Variants in SLC35F1 observed in about 807,000 individuals in gnomAD.
The protein encoded by SLC35F1 is solute carrier family 35 member F1.
In SLC35F1, 14 loss-of-function variants were observed where a neutral mutation model predicts 48.7. The observed-to-expected ratio is 0.29, with a 90% CI of 0.19 to 0.45. SLC35F1 has a LOEUF of 0.45. Ranked by LOEUF, SLC35F1 falls within the 20% of genes least tolerant of loss-of-function variation. SLC35F1 has a pLI of 1.00. For synonymous variants in SLC35F1, 190 were observed against 202.2 expected, an observed-to-expected ratio of 0.94 and a Z score of 0.51; for missense variants, 404 against 500.0, an observed-to-expected ratio of 0.81 and a Z score of 1.83.
chr6:118,260,342 T>C (rs929918893), intron 3 of SLC35F1, among the ~76,000 whole-genome samples: 4 of 152,116 alleles, frequency 2.6e-5, no homozygotes, highest in Non-Finnish European at 5.9e-5. Flanking sequence ...AAACCACTAA[T>C]TGCATACTTT....
chr6:118,232,809 C>G (rs1775311070), intron 2 of SLC35F1, among the ~76,000 whole-genome samples: 1 of 152,074 alleles, frequency 6.6e-6, no homozygotes, highest in African/African-American at 2.4e-5. Flanking sequence ...GGTTGTATCT[C>G]TTTGGGATTC....
intron 1 of SLC35F1, among the ~76,000 whole-genome samples, chr6:117,998,334 T>C (rs1187035355): frequency 6.6e-6 from 1 of 150,614 alleles, no homozygotes; most frequent in Admixed American, 6.6e-5. Flanking sequence ...TGGGAGACTT[T>C]AACACCCCAC....
chr6:117,929,967 C>A (rs968645034), intron 1 of SLC35F1, among the ~76,000 whole-genome samples: 2 of 152,122 alleles, frequency 1.3e-5, no homozygotes, highest in South Asian at 4.1e-4. Context: ...CCTGCTTAAT[C>A]CTTTCAAACC....
chr6:118,114,214 G>A (rs2105019), intron 1 of SLC35F1, among the ~76,000 whole-genome samples: 10,441 of 152,166 alleles, frequency 0.069, 987 homozygotes, highest in African/African-American at 0.21. Flanking sequence ...GGACTCCAGA[G>A]CCCAAACACT....
At chr6:118,230,391 T>A (rs763801695) in intron 2 of SLC35F1, among the ~76,000 whole-genome samples, 2 of 151,878 alleles carry the variant, frequency 1.3e-5, no homozygotes, top group Admixed American at 1.3e-4. Flanking sequence ...CTGCATTGTT[T>A]GAAAAATTAG....
chr6:118,160,045 A>T (rs1193236840), intron 2 of SLC35F1, among the ~76,000 whole-genome samples: 2 of 152,172 alleles, frequency 1.3e-5, no homozygotes, highest in Non-Finnish European at 2.9e-5. Context: ...TAAAGGCAGG[A>T]TGCTGAGGGT....
intron 1 of SLC35F1, among the ~76,000 whole-genome samples, chr6:117,920,774 C>G (rs1253860439): frequency 6.6e-6 from 1 of 152,062 alleles, no homozygotes; most frequent in Non-Finnish European, 1.5e-5. Flanking sequence ...TAAATGCTGC[C>G]TCTAGATTGC....
chr6:118,235,647 T>G lies in SLC35F1; in HGVS notation c.477+11T>G, dbSNP rs1308307037. Reference sequence around the variant, plus strand: ...CTGACCAGTATCCAGGTACCCATGGTTCTTCTTCCCTTCTCAACTTCCTCT... The same window carrying G: ...CTGACCAGTATCCAGGTACCCATGGGTCTTCTTCCCTTCTCAACTTCCTCT... On this transcript the variant is annotated intron_variant, in intron 3 of 7. Coordinates refer to ENST00000360388, the MANE Select transcript of SLC35F1 (RefSeq NM_001029858.4). The G allele has an allele frequency of 6.2e-7, 1 of 1,608,926 alleles. No homozygotes were observed. The highest frequency in any genetic ancestry group is 8.5e-7 in the Non-Finnish European group (1 of 1,178,230).
chr6:118,068,343 G>A (rs190492864), intron 1 of SLC35F1, among the ~76,000 whole-genome samples: 3 of 152,154 alleles, frequency 2.0e-5, no homozygotes, highest in Non-Finnish European at 2.9e-5. Flanking sequence ...AGCAGCAGCC[G>A]CAGTATGGTT....
intron 1 of SLC35F1, among the ~76,000 whole-genome samples, chr6:118,103,294 GT>G (rs1201633872): frequency 2.0e-5 from 3 of 152,056 alleles, no homozygotes; most frequent in African/African-American, 7.2e-5. Flanking sequence ...TATACTTCAA[GT>G]TTTAGGGTAC....
At chr6:117,923,457 G>C (rs1775928408) in intron 1 of SLC35F1, among the ~76,000 whole-genome samples, 2 of 147,374 alleles carry the variant, frequency 1.4e-5, no homozygotes, top group Non-Finnish European at 3.0e-5. Flanking sequence ...TTCTGTACTG[G>C]AATAGAATGG....
At chr6:117,947,393 G>A (rs1023745697) in intron 1 of SLC35F1, among the ~76,000 whole-genome samples, 2 of 152,172 alleles carry the variant, frequency 1.3e-5, no homozygotes, top group African/African-American at 2.4e-5. Flanking sequence ...GCAAACCATT[G>A]TAAAGACTTT....
chr6:117,967,136 A>G (rs923989380), intron 1 of SLC35F1, among the ~76,000 whole-genome samples: 3 of 152,210 alleles, frequency 2.0e-5, no homozygotes, highest in Non-Finnish European at 2.9e-5. Flanking sequence ...ACTTTGCTAT[A>G]TCATCCAAAT....
intron 1 of SLC35F1, among the ~76,000 whole-genome samples, chr6:117,952,662 TC>T (rs780515692): frequency 2.2e-4 from 33 of 152,134 alleles, no homozygotes; most frequent in Non-Finnish European, 4.0e-4. Flanking sequence ...GGAGACAGAT[TC>T]TTCTTAATTA....
intron 1 of SLC35F1, among the ~76,000 whole-genome samples, chr6:118,014,006 C>CT (rs1750127687): frequency 1.3e-5 from 2 of 152,142 alleles, no homozygotes; most frequent in Admixed American, 1.3e-4. Context: ...ACAGAATAAT[C>CT]TAAGTCTGCT....
intron 1 of SLC35F1, among the ~76,000 whole-genome samples, chr6:118,010,499 A>G (rs927942255): frequency 6.6e-6 from 1 of 152,096 alleles, no homozygotes; most frequent in African/African-American, 2.4e-5. Flanking sequence ...CCAAGAATGA[A>G]CTCCTATTCT....
intron 3 of SLC35F1, among the ~76,000 whole-genome samples, chr6:118,256,126 A>C (rs1759875626): frequency 6.6e-6 from 1 of 151,830 alleles, no homozygotes; most frequent in African/African-American, 2.4e-5. Context: ...TAAAATGGTT[A>C]TTGATTGTAT....
intron 1 of SLC35F1, among the ~76,000 whole-genome samples, chr6:117,997,292 G>A (rs1287249840): frequency 4.6e-5 from 7 of 152,336 alleles, no homozygotes; most frequent in African/African-American, 9.6e-5. Flanking sequence ...TCAAATCTAC[G>A]TCTGATTGGT....
At chr6:118,286,759 CAT>C (rs761156873) in intron 7 of SLC35F1, among the ~76,000 whole-genome samples, 18 of 150,950 alleles carry the variant, frequency 1.2e-4, no homozygotes, top group Non-Finnish European at 2.5e-4. Context: ...CATCACCTCA[CAT>C]AGTTACCTTT....
Sources: allele counts gnomAD v4.1 joint callset (sites outside exome capture counted in the v4.1 genomes callset), GRCh38; gene constraint gnomAD v4.1.1; transcripts MANE v1.5; gene names NCBI Gene and HGNC (gene_info 2026-07-23, HGNC 2026-07-21).